Variants in VPS16 observed in about 807,000 individuals in gnomAD.
VPS16 encodes VPS16 core subunit of CORVET and HOPS complexes.
Under a neutral mutation model 116.0 loss-of-function variants are expected in VPS16, and 82 were observed. The observed-to-expected ratio is 0.71, with a 90% confidence interval of 0.59 to 0.85. The LOEUF (loss-of-function observed/expected upper bound fraction) is 0.85, where lower values mean the gene tolerates loss of function less well. Ranked by LOEUF, VPS16 falls within the 40% of genes least tolerant of loss-of-function variation. The pLI, the probability that VPS16 is intolerant of heterozygous loss-of-function variation, is 0.00. For missense variants in VPS16, 928 were observed against 1,090.6 expected (o/e 0.85, Z 2.10); for synonymous variants, 406 against 420.7 (o/e 0.96, Z 0.43).
chr20:2,861,138 A>C lies in VPS16; in HGVS notation c.753+46A>C, dbSNP rs185353565. 8.4e-5 allele frequency: 136 copies of C among 1,614,196 alleles called. 2 individuals are homozygous for C. The highest frequency in any genetic ancestry group is 4.2e-4 in the Admixed American group (25 of 60,030). On this transcript the variant is annotated intron_variant, in intron 7 of 23. Coordinates refer to ENST00000380445, the MANE Select transcript of VPS16 (RefSeq NM_022575.4). ...AGGGGTACTGTGCCTTGTCCAGGGT[A>C]CAAGATCTTTTGGTGATGCGGGAGG...
intron 1 of VPS16, among the ~76,000 whole-genome samples, chr20:2,844,293 A>G (rs141459553): frequency 6.6e-6 from 1 of 152,360 alleles, no homozygotes; most frequent in East Asian, 1.9e-4. Context: ...ATGAATGATA[A>G]AACAGGTGGC....
rs149546324 is a variant in VPS16 at position 2,861,809 on chromosome 20, G to A, written c.904G>A (p.Val302Met). 456 of 1,613,938 alleles carry A rather than the reference G, an allele frequency of 2.8e-4. 2 individuals are homozygous for A. The Middle Eastern group carries it at 5.4e-3, about 19-fold the overall frequency. Residue 302 changes from valine to methionine, a missense_variant, in exon 10 of 24, where the codon GTG (valine) becomes ATG (methionine). By Grantham distance (21) the Val-to-Met change is conservative. Transcript: ENST00000380445. The stretch of plus-strand genomic sequence containing the variant: ...AGGAGCCTTAACCAAGCTCAGGTTT[G>A]TGCTGGATGAGGACTCCTACCTGGT... ...VGDAPESIQF[V>M]LDEDSYLVPE...
intron 1 of VPS16, among the ~76,000 whole-genome samples, chr20:2,847,441 T>G (rs1253535907): frequency 2.9e-5 from 4 of 139,560 alleles, no homozygotes; most frequent in Non-Finnish European, 6.2e-5. Context: ...CATCCAGAAC[T>G]GCTCTACCTC....
intron 22 of VPS16, 61 bp from the exon 23 acceptor site, chr20:2,866,151 A>C (rs1321891217): frequency 6.7e-7 from 1 of 1,487,576 alleles, no homozygotes; most frequent in East Asian, 2.3e-5. Flanking sequence ...TCTGCTCGTA[A>C]GAGAGAGGAC....
chr20:2,864,368 T>G lies in VPS16; in HGVS notation c.1724T>G (p.Phe575Cys). ...ACTCCACCTTACTCTCCTGCAGTGT[T>G]CACGGTGTTGCTGCACCTGAAGAAC... ...AIESGDTDLVFTVLLHLKNEL... is the reference protein window; with the variant it reads ...AIESGDTDLVCTVLLHLKNEL... Residue 575 changes from phenylalanine (F) to cysteine (C), a missense_variant, in exon 18 of 24, where the codon TTC (phenylalanine) becomes TGC (cysteine). Phe to Cys is a radical substitution (Grantham distance 205). Transcript: ENST00000380445. This position sits in a 1 kb window ranked among gnomAD's most constrained non-coding sequence, Gnocchi z 5.2. 1 of 1,614,170 alleles carries G rather than the reference T, an allele frequency of 6.2e-7. No homozygotes were observed. Among genetic ancestry groups the G allele is most frequent in the South Asian group, 1.1e-5 (1 of 91,074 alleles).
At chr20:2,854,347 G>C (rs2089151332) in intron 1 of VPS16, among the ~76,000 whole-genome samples, 1 of 151,682 alleles carries the variant, frequency 6.6e-6, no homozygotes, top group Non-Finnish European at 1.5e-5. Flanking sequence ...CTTGAGTCCA[G>C]GAGTTTGAGG....
chr20:2,842,860 CTATCGATAGAT>C (rs1286674613), intron 1 of VPS16, among the ~76,000 whole-genome samples: 7 of 134,982 alleles, frequency 5.2e-5, no homozygotes, highest in Admixed American at 1.5e-4. Context: ...ATAGATGTAT[CTATCGATAGAT>C]AGATAGATGT....
intron 1 of VPS16, among the ~76,000 whole-genome samples, chr20:2,852,621 T>A (rs980228260): frequency 3.3e-5 from 5 of 152,222 alleles, no homozygotes; most frequent in Non-Finnish European, 7.3e-5. Context: ...GTCACATGAA[T>A]TTTTTTGGTT....
rs200746035 is a variant in VPS16 at position 2,861,109 on chromosome 20, A to G, written c.753+17A>G. 295 of 1,614,228 alleles carry G rather than the reference A, an allele frequency of 1.8e-4. 2 individuals carry two copies. The highest frequency in any genetic ancestry group is 6.2e-4 in the Admixed American group (37 of 60,028). ...TCACTCAAGGTATGATCCTGGGGCA[A>G]CACAGGGGTACTGTGCCTTGTCCAG... On this transcript the variant is annotated intron_variant, in intron 7 of 23. Coordinates refer to ENST00000380445, the MANE Select transcript of VPS16 (RefSeq NM_022575.4).
intron 1 of VPS16, among the ~76,000 whole-genome samples, chr20:2,847,678 C>T (rs1313892929): frequency 6.6e-6 from 1 of 152,062 alleles, no homozygotes; most frequent in Admixed American, 6.5e-5. Context: ...GAGGTTTCAC[C>T]ATGTTGGTAA....
rs772938400 is a variant in VPS16 at position 2,866,605 on chromosome 20, G to T, written c.*31G>T. 8.1e-6 allele frequency: 13 copies of T among 1,611,696 alleles called. No homozygotes were observed. The Admixed American group carries it at 1.5e-4, about 19-fold the overall frequency. ...CCATCCTGTACATCTCAAGCAAGGG[G>T]TTCCTCCCCTAGCACCTGGGCTTGG... On this transcript the variant is annotated 3_prime_UTR_variant, in exon 24 of 24. Transcript: ENST00000380445.
chr20:2,862,392 C>T (rs746543837), intron 11 of VPS16, 187 bp from the exon 12 acceptor site: 1 of 1,273,970 alleles, frequency 7.8e-7, no homozygotes, highest in Non-Finnish European at 1.1e-6. Flanking sequence ...CTAAAGGCAG[C>T]TGTGGGCTGA....
intron 1 of VPS16, among the ~76,000 whole-genome samples, chr20:2,857,591 C>T (rs2089185464): frequency 6.6e-6 from 1 of 151,918 alleles, no homozygotes; most frequent in Admixed American, 6.6e-5. Flanking sequence ...CTCACTGCAA[C>T]CTCTGCCTCC....
intron 1 of VPS16, among the ~76,000 whole-genome samples, chr20:2,841,710 C>G (rs1281557906): frequency 1.3e-5 from 2 of 151,822 alleles, no homozygotes; most frequent in East Asian, 3.9e-4. Flanking sequence ...TATATTTAGG[C>G]GACATTTGTA....
chr20:2,847,294 C>T (rs2089069817), intron 1 of VPS16, among the ~76,000 whole-genome samples: 1 of 152,084 alleles, frequency 6.6e-6, no homozygotes, highest in Non-Finnish European at 1.5e-5. Flanking sequence ...AGCCCACGGC[C>T]TCCTAGGCAT....
intron 1 of VPS16, among the ~76,000 whole-genome samples, chr20:2,851,821 A>T (rs868377906): frequency 8.5e-5 from 13 of 152,124 alleles, no homozygotes; most frequent in African/African-American, 3.1e-4. Flanking sequence ...TACAAAAAAA[A>T]TTAGCTGGGC....
At chr20:2,853,154 G>C (rs1405313039) in intron 1 of VPS16, among the ~76,000 whole-genome samples, 2 of 152,256 alleles carry the variant, frequency 1.3e-5, no homozygotes, top group East Asian at 3.9e-4. Flanking sequence ...ACTTTAGGAG[G>C]CCAAGGTGGG....
intron 1 of VPS16, among the ~76,000 whole-genome samples, chr20:2,841,357 G>A (rs2088971551): frequency 6.6e-6 from 1 of 152,176 alleles, no homozygotes; most frequent in South Asian, 2.1e-4. Context: ...CCGTTACATC[G>A]TTACCCAGAT....
intron 1 of VPS16, among the ~76,000 whole-genome samples, chr20:2,845,555 C>T (rs575075865): frequency 8.0e-5 from 12 of 149,082 alleles, no homozygotes; most frequent in East Asian, 2.0e-4. Flanking sequence ...TGTAGTGGCA[C>T]GCACATGTAA....
Sources: gnomAD v4.1 joint callset for allele counts (sites outside exome capture counted in the v4.1 genomes callset) on GRCh38, gnomAD v4.1.1 for gene constraint, Gnocchi (gnomAD v3.1) non-coding constraint, MANE v1.5 for transcripts, NCBI Gene and HGNC (gene_info 2026-07-23, HGNC 2026-07-21) for gene names.